Variants in KLHL32 observed in about 807,000 individuals in gnomAD.
KLHL32 encodes the protein kelch-like protein 32.
A neutral mutation model predicts 64.8 loss-of-function variants in KLHL32; 35 were observed. The observed-to-expected ratio is 0.54, with a 90% CI of 0.41 to 0.72. The LOEUF (loss-of-function observed/expected upper bound fraction) is 0.72. Ranked by LOEUF, KLHL32 falls within the 30% of genes least tolerant of loss-of-function variation. The pLI is 0.00. For missense variants in KLHL32, 589 were observed against 768.5 expected, an observed-to-expected ratio of 0.77 and a Z score of 2.76; for synonymous variants, 259 against 281.0, an observed-to-expected ratio of 0.92 and a Z score of 0.78.
At chr6:97,072,111 A>C (rs1582927541) in intron 5 of KLHL32, among the ~76,000 whole-genome samples, 1 of 152,122 alleles carries the variant, frequency 6.6e-6, no homozygotes. Context: ...CTGAGTGTGA[A>C]CCCAAGCCAG....
At chr6:96,935,173 G>GTGAC (rs1458352594) in intron 1 of KLHL32, among the ~76,000 whole-genome samples, 4 of 152,184 alleles carry the variant, frequency 2.6e-5, no homozygotes, top group Non-Finnish European at 5.9e-5. Context: ...TTTGTGGTGT[G>GTGAC]TGACTAGCTG....
rs115932263 is a variant in KLHL32 at position 96,962,594 on chromosome 6, A to G, written c.-65-4402A>G. ...ACATTAGCAAAAAGTGAAACAAAAG[A>G]AAAAATTCACAGAGATACCTGTCAC... On this transcript the variant is annotated intron_variant, in intron 1 of 10. Transcript: ENST00000369261. Among the ~76,000 whole-genome samples, 595 of 152,340 alleles carry G rather than the reference A, an allele frequency of 3.9e-3. 2 individuals carry two copies. Among genetic ancestry groups the G allele is most frequent in the African/African-American group, 0.014 (563 of 41,574 alleles).
chr6:97,109,387 A>T (rs1440786110), intron 6 of KLHL32, among the ~76,000 whole-genome samples: 1 of 152,228 alleles, frequency 6.6e-6, no homozygotes, highest in Non-Finnish European at 1.5e-5. Context: ...GAAAATGCAA[A>T]CTAATAGTTA....
chr6:97,002,001 C>T (rs937708723), intron 3 of KLHL32, among the ~76,000 whole-genome samples: 3 of 152,172 alleles, frequency 2.0e-5, no homozygotes, highest in African/African-American at 7.2e-5. Flanking sequence ...GATAACTCTA[C>T]TGTAAAGAAC....
intron 3 of KLHL32, among the ~76,000 whole-genome samples, chr6:97,002,312 T>C (rs1487282116): frequency 6.6e-6 from 1 of 152,248 alleles, no homozygotes; most frequent in Non-Finnish European, 1.5e-5. Context: ...TTACTCATTC[T>C]ACCAATTCCT....
At chr6:96,964,376 G>A (rs2128029749) in intron 1 of KLHL32, among the ~76,000 whole-genome samples, 1 of 152,312 alleles carries the variant, frequency 6.6e-6, no homozygotes, top group South Asian at 2.1e-4. Context: ...ATATATGGTC[G>A]GGCGCAGTGG....
chr6:96,986,640 C>T (rs766928226), intron 3 of KLHL32, among the ~76,000 whole-genome samples: 7 of 152,158 alleles, frequency 4.6e-5, no homozygotes, highest in South Asian at 2.1e-4. Context: ...TAGCAATGAG[C>T]GAGGCTTCGT....
chr6:96,970,159 T>G (rs909877668), intron 2 of KLHL32, among the ~76,000 whole-genome samples: 2 of 152,164 alleles, frequency 1.3e-5, no homozygotes, highest in Non-Finnish European at 2.9e-5. Context: ...AACTCCATCA[T>G]TCAGCTGAAC....
At chr6:97,033,533 A>G (rs950356407) in intron 3 of KLHL32, among the ~76,000 whole-genome samples, 12 of 152,078 alleles carry the variant, frequency 7.9e-5, no homozygotes, top group African/African-American at 2.9e-4. Flanking sequence ...TTTTCTTTGC[A>G]TACATACCCA....
At chr6:97,059,714 A>G (rs987820757) in intron 4 of KLHL32, among the ~76,000 whole-genome samples, 3 of 152,212 alleles carry the variant, frequency 2.0e-5, no homozygotes, top group Non-Finnish European at 4.4e-5. Flanking sequence ...GAAATTTCTC[A>G]TAGCTAGATA....
chr6:96,941,756 T>TC (rs1771318575), intron 1 of KLHL32, among the ~76,000 whole-genome samples: 2 of 151,954 alleles, frequency 1.3e-5, no homozygotes, highest in African/African-American at 4.8e-5. Context: ...CTGCCTTTTT[T>TC]CTCTGATTTG....
chr6:97,091,035 G>C (rs1794143868), intron 6 of KLHL32, among the ~76,000 whole-genome samples: 1 of 152,198 alleles, frequency 6.6e-6, no homozygotes, highest in Non-Finnish European at 1.5e-5. Context: ...ACCAGCCTGT[G>C]CAACATAGTG....
intron 2 of KLHL32, among the ~76,000 whole-genome samples, chr6:96,974,582 C>A (rs1351301170): frequency 6.6e-6 from 1 of 152,200 alleles, no homozygotes; most frequent in African/African-American, 2.4e-5. Context: ...TATATCATCA[C>A]CGTCTGTCAA....
chr6:97,057,708 A>G (rs1186880389), intron 4 of KLHL32, among the ~76,000 whole-genome samples: 1 of 152,026 alleles, frequency 6.6e-6, no homozygotes, highest in Admixed American at 6.5e-5. Flanking sequence ...TCAATTTCCT[A>G]ATAGTGTATT....
upstream of KLHL32, among the ~76,000 whole-genome samples, chr6:96,922,452 T>C (rs1424892492): frequency 6.6e-6 from 1 of 152,160 alleles, no homozygotes; most frequent in African/African-American, 2.4e-5. Flanking sequence ...ACTAAGTTCC[T>C]TCTTGCCTAA....
chr6:97,049,148 G>A (rs1184050139), intron 4 of KLHL32, among the ~76,000 whole-genome samples: 9 of 152,080 alleles, frequency 5.9e-5, no homozygotes, highest in Non-Finnish European at 1.3e-4. Flanking sequence ...TATATACTAT[G>A]TTTTTTTCCT....
intron 3 of KLHL32, among the ~76,000 whole-genome samples, chr6:97,015,149 G>A (rs2128097910): frequency 6.6e-6 from 1 of 152,324 alleles, no homozygotes; most frequent in Middle Eastern, 3.4e-3. Flanking sequence ...CTAGCCATGT[G>A]CAACTGTGAG....
At chr6:97,118,770 C>T (rs1459289709) in intron 7 of KLHL32, among the ~76,000 whole-genome samples, 1 of 152,110 alleles carries the variant, frequency 6.6e-6, no homozygotes, top group East Asian at 1.9e-4. Flanking sequence ...ATGCTGAGCT[C>T]AAGTTCCTAA....
chr6:96,943,036 TACACACACACACACACACAC>T (rs113696398), intron 1 of KLHL32, among the ~76,000 whole-genome samples: 1 of 146,326 alleles, frequency 6.8e-6, no homozygotes, highest in Non-Finnish European at 1.5e-5. Flanking sequence ...ATGCTCCCTC[TACACACACACACACACACAC>T]ACACACACAC....
Sources: allele counts gnomAD v4.1 joint callset (sites outside exome capture counted in the v4.1 genomes callset), GRCh38; gene constraint gnomAD v4.1.1; transcripts MANE v1.5; gene names NCBI Gene and HGNC (gene_info 2026-07-23, HGNC 2026-07-21).